ATP10B: variants seen among roughly 807,000 people sequenced by gnomAD.
ATP10B encodes phospholipid-transporting ATPase VB.
ATP10B carries 122 observed loss-of-function variants against 141.2 expected under a neutral mutation model. That is an observed-to-expected ratio of 0.86 (90% confidence interval 0.75 to 1.00). The LOEUF is 1.00. Among genes scored for constraint, ATP10B ranks in the 50% least tolerant of loss-of-function variants. The pLI, the probability that ATP10B is intolerant of heterozygous loss-of-function variation, is 0.00. For missense variants in ATP10B, 1,876 were observed against 1,825.3 expected, an observed-to-expected ratio of 1.03 and a Z score of -0.51; for synonymous variants, 685 against 692.0, an observed-to-expected ratio of 0.99 and a Z score of 0.16.
intron 3 of ATP10B, among the ~76,000 whole-genome samples, chr5:160,706,048 A>G (rs1434610204): frequency 6.6e-6 from 1 of 152,238 alleles, no homozygotes. Flanking sequence ...GCTGGATGGT[A>G]GAGTAGTCAG....
intron 1 of ATP10B, among the ~76,000 whole-genome samples, chr5:160,841,310 T>G (rs1775794122): frequency 6.6e-6 from 1 of 151,880 alleles, no homozygotes; most frequent in Admixed American, 6.6e-5. Context: ...AAAAGCAAAT[T>G]GCAAAGAAGC....
At chr5:160,664,614 G>A (rs1355918602) in intron 7 of ATP10B, among the ~76,000 whole-genome samples, 2 of 152,204 alleles carry the variant, frequency 1.3e-5, no homozygotes, top group African/African-American at 4.8e-5. Context: ...TTAAAATGCA[G>A]ATTCTGGTTC....
At chr5:160,679,687 T>C (rs774055132) in intron 6 of ATP10B, among the ~76,000 whole-genome samples, 8 of 152,224 alleles carry the variant, frequency 5.3e-5, no homozygotes, top group African/African-American at 1.2e-4. Flanking sequence ...AGGTTTGCCA[T>C]GGCAATGCAC....
intron 24 of ATP10B, among the ~76,000 whole-genome samples, chr5:160,588,227 C>G (rs375116963): frequency 6.6e-6 from 1 of 152,080 alleles, no homozygotes; most frequent in Non-Finnish European, 1.5e-5. Context: ...ATTTGAATAC[C>G]CTTTATTTCT....
chr5:160,859,320 G>C, the ATP10B span, among the ~76,000 whole-genome samples: 1 of 151,772 alleles, frequency 6.6e-6, no homozygotes, highest in African/African-American at 2.4e-5. Context: ...GAAATACTCT[G>C]TCATTTAAAT....
intron 10 of ATP10B, among the ~76,000 whole-genome samples, chr5:160,637,853 A>G (rs1759534029): frequency 6.6e-6 from 1 of 152,238 alleles, no homozygotes; most frequent in African/African-American, 2.4e-5. Context: ...GAAGAAAGGA[A>G]ACTTACAGAC....
intron 2 of ATP10B, among the ~76,000 whole-genome samples, chr5:160,745,205 G>T (rs2127812747): frequency 6.6e-6 from 1 of 152,306 alleles, no homozygotes; most frequent in East Asian, 1.9e-4. Flanking sequence ...TATTTTCTAT[G>T]CTGGCATTCT....
rs147214487 is a variant in ATP10B at position 160,847,762 on chromosome 5, A to G, written c.-576+4179T>C. Among the ~76,000 whole-genome samples, 292 of 152,300 alleles carry G rather than the reference A, an allele frequency of 1.9e-3. 4 individuals are homozygous for G. The highest frequency in any genetic ancestry group is 0.015 in the Admixed American group (224 of 15,286). ...GAATGCATCAGCAATTCAGAAGGAA[A>G]AACGCGGGTTATTAAGTAGGAACAA... On this transcript the variant is annotated intron_variant, in intron 1 of 25. Transcript: ENST00000327245.
At position 160,679,695 on chromosome 5, in the gene ATP10B, C is replaced by T. The variant is rs115022106; in HGVS notation, c.470+6384G>A. On this transcript the variant is annotated intron_variant, in intron 6 of 25. Coordinates refer to ENST00000327245, the MANE Select transcript of ATP10B (RefSeq NM_025153.3). ...GCACATAAGGTTTGCCATGGCAATGCACACACTAAGTCTTGAATTAAAATT... is the reference window on the plus strand; with the variant it reads ...GCACATAAGGTTTGCCATGGCAATGTACACACTAAGTCTTGAATTAAAATT... Among the ~76,000 whole-genome samples, 712 of 152,318 alleles carry T rather than the reference C, an allele frequency of 4.7e-3. 7 individuals carry two copies. Among genetic ancestry groups the T allele is most frequent in the African/African-American group, 0.016 (683 of 41,574 alleles).
chr5:160,800,534 G>T (rs1286734967), intron 1 of ATP10B, among the ~76,000 whole-genome samples: 1 of 152,226 alleles, frequency 6.6e-6, no homozygotes, highest in Non-Finnish European at 1.5e-5. Flanking sequence ...GTTAGCCATT[G>T]TTAGGGTTAT....
At chr5:160,793,705 C>A (rs35530911) in intron 1 of ATP10B, among the ~76,000 whole-genome samples, 7,893 of 152,266 alleles carry the variant, frequency 0.052, 272 homozygotes, top group Non-Finnish European at 0.075. Context: ...ATGTTCTAGG[C>A]CTTCACATTC....
rs1754385086 is a variant in ATP10B at position 160,563,756 on chromosome 5, TG to T, written c.*1696del. 6.6e-6 allele frequency: 1 copy of T among 152,054 alleles called. No individual in the cohort carries two copies. Among genetic ancestry groups the T allele is most frequent in the Non-Finnish European group, 1.5e-5 (1 of 68,006 alleles). The allele number at this position is 152,054 out of a possible 1,614,324, so 9.4% of individuals were successfully genotyped here. A position where few individuals can be genotyped will look rare whatever the true frequency, so the allele number is the denominator to read the frequency against. On this transcript the variant is annotated 3_prime_UTR_variant, in exon 26 of 26. Coordinates refer to ENST00000327245, the MANE Select transcript of ATP10B (RefSeq NM_025153.3). The stretch of plus-strand genomic sequence containing the variant: ...CTGGCTTTTAGTAGTAGCCAGAAAT[TG>T]GGGGAAAAATTGAGGTACCTGAGAT...
At chr5:160,580,241 C>T (rs944340685) in intron 24 of ATP10B, among the ~76,000 whole-genome samples, 14 of 152,106 alleles carry the variant, frequency 9.2e-5, no homozygotes, top group African/African-American at 1.7e-4. Context: ...TGTTTTCTGT[C>T]GGTTTTCAAG....
intron 3 of ATP10B, among the ~76,000 whole-genome samples, chr5:160,698,219 G>A (rs538850405): frequency 6.6e-6 from 1 of 152,202 alleles, no homozygotes; most frequent in South Asian, 2.1e-4. Context: ...CCATTTCCGT[G>A]AATAGCATCT....
Position 160,852,060 on chromosome 5 carries a change from A to AT in ATP10B, c.-696dup, listed in dbSNP as rs1753845309. 1 of 152,124 alleles carries AT rather than the reference A, an allele frequency of 6.6e-6. No individual in the cohort carries two copies. Among genetic ancestry groups the AT allele is most frequent in the African/African-American group, 2.4e-5 (1 of 41,410 alleles). 9.4% of individuals were successfully genotyped at this position (152,124 alleles called of 1,614,324 possible). ...AGTTCTCTTTCCTATGGAATTTTTC[A>AT]TTTTTCTGATTATATCTGATTATGT... is the stretch of plus-strand genomic sequence containing the variant. On this transcript the variant is annotated 5_prime_UTR_variant, in exon 1 of 26. The change creates a new upstream start codon in the 5' untranslated region. Transcript: ENST00000327245.
Position 160,716,879 on chromosome 5 carries a change from A to T in ATP10B, c.-205+30T>A. 9 of 984,478 alleles carry T rather than the reference A, an allele frequency of 9.1e-6. No homozygotes were observed. In the South Asian group the frequency reaches 3.3e-4, roughly 36 times the overall value. The allele number at this position is 984,478 out of a possible 1,614,324, so 61.0% of individuals were successfully genotyped here. A position where few individuals can be genotyped will look rare whatever the true frequency, so the allele number is the denominator to read the frequency against. On this transcript the variant is annotated intron_variant, in intron 3 of 25. Transcript: ENST00000327245. ...GTCATGTTCCACATAGGAAAAGGAA[A>T]GAAACGGGGAAGCAACGCAAAAGAT...
At chr5:160,745,440 C>T (rs886157995) in intron 2 of ATP10B, among the ~76,000 whole-genome samples, 1 of 152,160 alleles carries the variant, frequency 6.6e-6, no homozygotes, top group African/African-American at 2.4e-5. Context: ...CAGGAGGGAC[C>T]ATCCTATCTC....
At chr5:160,616,740 T>C (rs1203877143) in intron 16 of ATP10B, among the ~76,000 whole-genome samples, 1 of 152,198 alleles carries the variant, frequency 6.6e-6, no homozygotes, top group East Asian at 1.9e-4. Flanking sequence ...CATGGCACTA[T>C]AGAGAAAACG....
chr5:160,896,160 T>G, the ATP10B span, among the ~76,000 whole-genome samples: 890 of 151,454 alleles, frequency 5.9e-3, 7 homozygotes, highest in African/African-American at 0.02. Context: ...AGCAAACAAA[T>G]TCAAAAGCTA....
Sources: gnomAD v4.1 joint callset for allele counts (sites outside exome capture counted in the v4.1 genomes callset) on GRCh38, gnomAD v4.1.1 for gene constraint, MANE v1.5 for transcripts, NCBI Gene and HGNC (gene_info 2026-07-23, HGNC 2026-07-21) for gene names.